Variants in MYO9A observed in about 807,000 individuals in gnomAD.
MYO9A encodes unconventional myosin-IXa.
Under a neutral mutation model 293.3 loss-of-function variants are expected in MYO9A, and 103 were observed. That is an observed-to-expected ratio of 0.35 (90% CI 0.30 to 0.41). The LOEUF (loss-of-function observed/expected upper bound fraction) is 0.41. Among genes scored for constraint, MYO9A ranks in the 10% least tolerant of loss-of-function variants. MYO9A has a pLI of 1.00. For synonymous variants in MYO9A, 1,001 were observed against 1,035.7 expected (o/e 0.97, Z 0.64); for missense variants, 2,685 against 3,033.0 (o/e 0.89, Z 2.69).
chr15:71,906,180 A>G (rs149966553), intron 19 of MYO9A, among the ~76,000 whole-genome samples: 1 of 152,332 alleles, frequency 6.6e-6, no homozygotes, highest in African/African-American at 2.4e-5. Context: ...TATTATAAAT[A>G]CAACATTTTG....
At chr15:71,865,973 A>G (rs2056309876) in intron 32 of MYO9A, among the ~76,000 whole-genome samples, 1 of 152,210 alleles carries the variant, frequency 6.6e-6, no homozygotes, top group Non-Finnish European at 1.5e-5. Flanking sequence ...AAAACTTAAT[A>G]TAATTAACGT....
intron 18 of MYO9A, among the ~76,000 whole-genome samples, chr15:71,928,704 G>A (rs940027613): frequency 6.6e-6 from 1 of 151,858 alleles, no homozygotes; most frequent in African/African-American, 2.4e-5. Context: ...TGATGCTATT[G>A]TAAATGGGAT....
intron 19 of MYO9A, among the ~76,000 whole-genome samples, chr15:71,908,794 G>A (rs189220900): frequency 1.3e-5 from 2 of 152,126 alleles, no homozygotes; most frequent in Admixed American, 1.3e-4. Flanking sequence ...ATGCATTAGG[G>A]TTCACTCTTT....
chr15:72,094,366 A>ATTTTT (rs3028399), intron 1 of MYO9A, among the ~76,000 whole-genome samples: 42,862 of 87,278 alleles, frequency 0.49, 18,221 homozygotes, highest in Non-Finnish European at 0.79. Context: ...ACAGATAGTG[A>ATTTTT]TTTTTTAACA....
chr15:71,917,128 G>A lies in MYO9A; in HGVS notation c.2563-636C>T, dbSNP rs111885711. 6.3e-3 allele frequency among the ~76,000 whole-genome samples: 957 copies of A among 152,324 alleles called. 3 individuals carry two copies. The highest frequency in any genetic ancestry group is 0.011 in the Non-Finnish European group (774 of 68,032). ...ACTTCTAATGATTTTATAAGTGCCT[G>A]CTTAATTCCCTTTCTACTTAAAAAT... On this transcript the variant is annotated intron_variant, in intron 18 of 41. Transcript: ENST00000356056.
intron 27 of MYO9A, among the ~76,000 whole-genome samples, chr15:71,887,266 GA>G (rs2057047894): frequency 6.6e-6 from 1 of 152,074 alleles, no homozygotes; most frequent in African/African-American, 2.4e-5. Flanking sequence ...AGTATAGAGG[GA>G]GATAAAGCCC....
At chr15:71,985,898 C>G (rs763598917) in intron 11 of MYO9A, among the ~76,000 whole-genome samples, 1 of 152,070 alleles carries the variant, frequency 6.6e-6, no homozygotes, top group African/African-American at 2.4e-5. Context: ...AAATAAGATC[C>G]CTGCACTCTA....
Position 72,046,290 on chromosome 15 carries a change from T to C in MYO9A, c.274A>G (p.Met92Val), listed in dbSNP as rs778863093. ...CCACTTAAGCGATTTTCCAGAGCCA[T>C]TCGGGGCCACAGCATCATTCGCTGA... ...PVQRMMLWPRMALENRLSGED... is the reference protein window; with the variant it reads ...PVQRMMLWPRVALENRLSGED... Residue 92 changes from methionine (M) to valine (V), a missense_variant, in exon 2 of 42, where the codon ATG (methionine) becomes GTG (valine). By Grantham distance (21) the Met-to-Val change is conservative. This residue lies in a region of MYO9A where 63 missense variants were observed against 57.9 expected (regional missense o/e 1.09). Transcript: ENST00000356056. 57 of 1,613,990 alleles carry C rather than the reference T, an allele frequency of 3.5e-5. No individual in the cohort carries two copies. In the East Asian group the frequency reaches 6.5e-4, roughly 18 times the overall value.
At chr15:72,020,572 A>G (rs2077474120) in intron 5 of MYO9A, among the ~76,000 whole-genome samples, 1 of 152,240 alleles carries the variant, frequency 6.6e-6, no homozygotes, top group Admixed American at 6.5e-5. Flanking sequence ...AGAATTAATC[A>G]TTAGTAACAT....
At chr15:71,883,843 T>G (rs2056946341) in intron 27 of MYO9A, 107 bp from the exon 28 acceptor site, 1 of 982,816 alleles carries the variant, frequency 1.0e-6, no homozygotes, top group Admixed American at 3.2e-5. Flanking sequence ...TTAGCTCATT[T>G]AAGCTTCACA....
At chr15:71,845,944 G>A (rs989193313) in intron 39 of MYO9A, among the ~76,000 whole-genome samples, 3 of 152,160 alleles carry the variant, frequency 2.0e-5, no homozygotes, top group Admixed American at 1.3e-4. Flanking sequence ...TCTTGAGTAC[G>A]TGGTTTGAAA....
chr15:71,905,647 C>T (rs892974295), intron 19 of MYO9A, among the ~76,000 whole-genome samples: 1 of 148,384 alleles, frequency 6.7e-6, no homozygotes, highest in African/African-American at 2.5e-5. Flanking sequence ...ATTAGCCAGG[C>T]GTGGTGGTGC....
intron 20 of MYO9A, 43 bp downstream of exon 20, chr15:71,904,882 GA>G: frequency 7.1e-7 from 1 of 1,411,264 alleles, no homozygotes; most frequent in Non-Finnish European, 9.8e-7. Flanking sequence ...AGCTCAGTTT[GA>G]AGTAAGCTGA....
intron 8 of MYO9A, among the ~76,000 whole-genome samples, chr15:72,007,595 G>A (rs2077053321): frequency 6.6e-6 from 1 of 152,132 alleles, no homozygotes; most frequent in Non-Finnish European, 1.5e-5. Context: ...TCTGGAGCAA[G>A]TGGAGGCAGA....
intron 1 of MYO9A, among the ~76,000 whole-genome samples, chr15:72,102,028 C>T (rs1164283889): frequency 2.0e-5 from 3 of 150,876 alleles, no homozygotes; most frequent in African/African-American, 4.9e-5. Flanking sequence ...ATGACAATGG[C>T]GGCTTTGTGG....
intron 8 of MYO9A, among the ~76,000 whole-genome samples, chr15:72,001,281 G>C (rs1348605471): frequency 1.3e-5 from 2 of 152,072 alleles, no homozygotes; most frequent in Non-Finnish European, 2.9e-5. Flanking sequence ...ACAGCTGTGA[G>C]TGGTAGCTCA....
At position 71,931,345 on chromosome 15, in the gene MYO9A, A is replaced by T. The variant is rs76899945; in HGVS notation, c.2562+2325T>A. 7.3e-3 allele frequency among the ~76,000 whole-genome samples: 1,110 copies of T among 152,256 alleles called. 6 individuals carry two copies. The highest frequency in any genetic ancestry group is 0.024 in the Middle Eastern group (7 of 294). ...CTGAGAAAGTTGTTATCTCCTTTTCATTTTTGAAAGACAAAATTGCTGGGC... is the reference window on the plus strand; with the variant it reads ...CTGAGAAAGTTGTTATCTCCTTTTCTTTTTTGAAAGACAAAATTGCTGGGC... On this transcript the variant is annotated intron_variant, in intron 18 of 41. Coordinates refer to ENST00000356056, the MANE Select transcript of MYO9A (RefSeq NM_006901.4).
intron 18 of MYO9A, among the ~76,000 whole-genome samples, chr15:71,928,561 C>T (rs2058390598): frequency 6.6e-6 from 1 of 151,962 alleles, no homozygotes; most frequent in Non-Finnish European, 1.5e-5. Context: ...ATTAATTTTT[C>T]CAACCCACTA....
intron 12 of MYO9A, 31 bp downstream of exon 12, chr15:71,978,140 C>A: frequency 6.2e-7 from 1 of 1,606,550 alleles, no homozygotes; most frequent in Non-Finnish European, 8.5e-7. Context: ...CCAAAACAGC[C>A]AATAACAAAA....
Sources: allele counts gnomAD v4.1 joint callset (sites outside exome capture counted in the v4.1 genomes callset), GRCh38; gene constraint gnomAD v4.1.1; regional missense constraint gnomAD v4.1.1; transcripts MANE v1.5; gene names NCBI Gene and HGNC (gene_info 2026-07-23, HGNC 2026-07-21).